PUS10: variants seen among roughly 807,000 people sequenced by gnomAD.
PUS10 encodes the protein tRNA pseudouridine synthase Pus10.
A neutral mutation model predicts 75.0 loss-of-function variants in PUS10; 59 were observed. That is an observed-to-expected ratio of 0.79 (90% confidence interval 0.64 to 0.98). PUS10 has a LOEUF of 0.98. Among genes scored for constraint, PUS10 ranks in the 50% least tolerant of loss-of-function variants. PUS10 has a pLI of 0.00. For synonymous variants in PUS10, 219 were observed against 211.6 expected (o/e 1.03, Z -0.30); for missense variants, 650 against 614.4 (o/e 1.06, Z -0.61).
chr2:61,015,884 T>C lies in PUS10; in HGVS notation c.-16+2124A>G, dbSNP rs562153485. On this transcript the variant is annotated intron_variant, in intron 1 of 17. Coordinates refer to ENST00000316752, the MANE Select transcript of PUS10 (RefSeq NM_144709.4). ...CATACACAGAGAAACTGTTTCTGTT[T>C]CACCTGTTACTCTAAGTTATTTTTT... Among the ~76,000 whole-genome samples the C allele has an allele frequency of 4.6e-5, 7 of 152,302 alleles. No individual in the cohort carries two copies. The South Asian group carries it at 8.3e-4, about 18-fold the overall frequency.
At chr2:60,997,744 G>A (rs1678575261) in intron 4 of PUS10, among the ~76,000 whole-genome samples, 2 of 152,112 alleles carry the variant, frequency 1.3e-5, no homozygotes, top group South Asian at 4.1e-4. Context: ...GAAGTTTAAA[G>A]GAATCAAACT....
chr2:60,975,947 A>G (rs981666533), intron 4 of PUS10, among the ~76,000 whole-genome samples: 2 of 152,098 alleles, frequency 1.3e-5, no homozygotes, highest in African/African-American at 4.8e-5. Context: ...TTTTTAGTAG[A>G]GACCGGGTTT....
intron 5 of PUS10, among the ~76,000 whole-genome samples, chr2:60,970,102 C>T (rs1172144996): frequency 1.3e-5 from 2 of 151,660 alleles, no homozygotes; most frequent in East Asian, 1.9e-4. Flanking sequence ...AAACAAAACC[C>T]GAAATAAAAA....
At chr2:60,975,333 G>C (rs181667381) in intron 4 of PUS10, among the ~76,000 whole-genome samples, 4 of 152,184 alleles carry the variant, frequency 2.6e-5, no homozygotes, top group African/African-American at 9.6e-5. Flanking sequence ...TTTTAGTAGA[G>C]ACAGGGTTTC....
In PUS10 at chr2:61,008,751, G is replaced by A. The variant is rs1679402683; in HGVS notation, c.381+10C>T. 14 of 1,548,574 alleles carry A rather than the reference G, an allele frequency of 9.0e-6. No individual in the cohort carries two copies. The East Asian group carries it at 3.2e-4, about 35-fold the overall frequency. On this transcript the variant is annotated intron_variant, in intron 3 of 17. Coordinates refer to ENST00000316752, the MANE Select transcript of PUS10 (RefSeq NM_144709.4). Reference sequence around the variant, plus strand: ...ATAATTGCACCTATAATGAAAAACAGGTTATTTACCTTTTTAATGAAATCT... The same window carrying A: ...ATAATTGCACCTATAATGAAAAACAAGTTATTTACCTTTTTAATGAAATCT...
rs1165449873 is a variant in PUS10 at position 60,948,090 on chromosome 2, G to A, written c.1404C>T (p.Tyr468=). 3 of 1,614,034 alleles carry A rather than the reference G, an allele frequency of 1.9e-6. No homozygotes were observed. The highest frequency in any genetic ancestry group is 1.7e-5 in the Admixed American group (1 of 60,008). Residue 468 remains tyrosine (Y), a synonymous_variant, in exon 16 of 18, where the codon TAC becomes TAT. Coordinates refer to ENST00000316752, the MANE Select transcript of PUS10 (RefSeq NM_144709.4). ...ARVIHFMETQ[Y]VDEHHFRLHL... is the part of the protein sequence containing the mutation. The stretch of plus-strand genomic sequence containing the variant: ...GGAGGCGGAAGTGGTGCTCATCCAC[G>A]TACTGTGTCTCCATGAAGTGAATGA...
At chr2:60,971,596 G>A in intron 4 of PUS10, 39 bp from the exon 5 acceptor site, 1 of 1,594,448 alleles carries the variant, frequency 6.3e-7, no homozygotes, top group Non-Finnish European at 8.6e-7. Context: ...GAGAAAAGGG[G>A]GAAACATGTT....
intron 4 of PUS10, among the ~76,000 whole-genome samples, chr2:60,973,553 T>C (rs1188817985): frequency 1.3e-5 from 2 of 152,214 alleles, no homozygotes; most frequent in East Asian, 1.9e-4. Flanking sequence ...CCTGTAGACT[T>C]TGGGCACCAA....
intron 5 of PUS10, among the ~76,000 whole-genome samples, chr2:60,968,463 A>C (rs1175757960): frequency 6.6e-6 from 1 of 152,156 alleles, no homozygotes; most frequent in Non-Finnish European, 1.5e-5. Context: ...GTAAGGGCCA[A>C]CTTATGCATC....
chr2:60,986,283 T>C (rs1677720380), intron 4 of PUS10, among the ~76,000 whole-genome samples: 1 of 152,220 alleles, frequency 6.6e-6, no homozygotes, highest in African/African-American at 2.4e-5. Flanking sequence ...GAATGGACTA[T>C]GTTGACCTAG....
At chr2:60,993,990 C>G (rs1474073025) in intron 4 of PUS10, among the ~76,000 whole-genome samples, 1 of 152,050 alleles carries the variant, frequency 6.6e-6, no homozygotes, top group African/African-American at 2.4e-5. Context: ...GGGGTTTCAC[C>G]CTGTTAGCCA....
chr2:60,998,350 T>A (rs1678615974), intron 4 of PUS10, among the ~76,000 whole-genome samples: 1 of 152,136 alleles, frequency 6.6e-6, no homozygotes, highest in Non-Finnish European at 1.5e-5. Context: ...TCCACAGATT[T>A]AAGTAAAAAT....
At chr2:61,015,181 G>C (rs564122864) in intron 1 of PUS10, among the ~76,000 whole-genome samples, 11 of 152,256 alleles carry the variant, frequency 7.2e-5, no homozygotes, top group African/African-American at 2.2e-4. Flanking sequence ...AAAGAAAACA[G>C]AATATGTGGA....
At chr2:61,009,111 G>T in intron 2 of PUS10, 96 bp from the exon 3 acceptor site, 1 of 1,087,352 alleles carries the variant, frequency 9.2e-7, no homozygotes, top group Non-Finnish European at 1.3e-6. Context: ...TGAAAATTAG[G>T]ACATATCACA....
rs77013615 is a variant in PUS10, at chr2:61,006,497, T to G, written c.468+60A>C. On this transcript the variant is annotated intron_variant, in intron 4 of 17. Transcript: ENST00000316752. Reference sequence around the variant, plus strand: ...GTAAGGAATATTTCTACATTCCCATTTTTTGAGAAATTCCTAGCATGCACT... The same window carrying G: ...GTAAGGAATATTTCTACATTCCCATGTTTTGAGAAATTCCTAGCATGCACT... The G allele has an allele frequency of 6.0e-4, 742 of 1,245,750 alleles. 8 individuals are homozygous for G. The South Asian group carries it at 7.0e-3, about 12-fold the overall frequency. 77.2% of individuals were successfully genotyped at this position (1,245,750 alleles called of 1,614,324 possible). A position where few individuals can be genotyped will look rare whatever the true frequency, so the allele number is the denominator to read the frequency against.
chr2:60,971,652 T>C (rs553029066), intron 4 of PUS10, 95 bp from the exon 5 acceptor site: 1 of 1,174,378 alleles, frequency 8.5e-7, no homozygotes, highest in African/African-American at 1.5e-5. Context: ...CTTAACTATT[T>C]GCTAATCAAA....
chr2:61,015,451 G>A (rs533438356), intron 1 of PUS10, among the ~76,000 whole-genome samples: 1 of 152,142 alleles, frequency 6.6e-6, no homozygotes, highest in African/African-American at 2.4e-5. Flanking sequence ...AGTAAGCCCA[G>A]GACTTTGGGA....
chr2:60,961,608 T>G, intron 9 of PUS10, 60 bp from the exon 10 acceptor site: 1 of 1,400,988 alleles, frequency 7.1e-7, no homozygotes, highest in Non-Finnish European at 1.0e-6. Flanking sequence ...TCACAAAACT[T>G]AGATGAATCA....
At chr2:60,990,335 T>C (rs1677999707) in intron 4 of PUS10, among the ~76,000 whole-genome samples, 1 of 151,964 alleles carries the variant, frequency 6.6e-6, no homozygotes, top group Non-Finnish European at 1.5e-5. Flanking sequence ...CATGAAGACA[T>C]CAGAAAGTTA....
Sources: gnomAD v4.1 joint callset for allele counts (sites outside exome capture counted in the v4.1 genomes callset) on GRCh38, gnomAD v4.1.1 for gene constraint, MANE v1.5 for transcripts, NCBI Gene and HGNC (gene_info 2026-07-23, HGNC 2026-07-21) for gene names.